The following MAG variants were observed in gnomAD, a reference collection of about 807,000 sequenced individuals.
MAG encodes myelin-associated glycoprotein.
A neutral mutation model predicts 60.7 loss-of-function variants in MAG; 30 were observed. The observed-to-expected ratio is 0.49, with a 90% CI of 0.37 to 0.67. The LOEUF is 0.67. Among genes scored for constraint, MAG ranks in the 30% least tolerant of loss-of-function variants. The pLI is 0.00. For synonymous variants in MAG, 384 were observed against 376.8 expected (o/e 1.02, Z -0.22); for missense variants, 795 against 851.7 (o/e 0.93, Z 0.83).
rs2066431361 is a variant in MAG at position 35,299,656 on chromosome 19, G to A, written c.518G>A (p.Ser173Asn). ...TGCCCAGAGCTGCGCCCTGAGCTGA[G>A]CTGGCTGGGCCACGAGGGGCTGGGG... Reference protein sequence around the residue: ...DNCPELRPELSWLGHEGLGEP... With the variant: ...DNCPELRPELNWLGHEGLGEP... The change falls in exon 5 of 11, where the codon AGC becomes AAC. Residue 173 changes from serine (S) to asparagine (N), a missense_variant. Transcript: ENST00000392213. The A allele has an allele frequency of 1.9e-6, 3 of 1,607,866 alleles. No homozygotes were observed. The highest frequency in any genetic ancestry group is 1.3e-5 in the African/African-American group (1 of 74,548).
At chr19:35,301,938 G>A (rs537424062) in intron 6 of MAG, among the ~76,000 whole-genome samples, 39 of 152,216 alleles carry the variant, frequency 2.6e-4, no homozygotes, top group African/African-American at 6.7e-4. Context: ...TCCTAGGCTC[G>A]CTGAAGCCTT....
Position 35,299,665 on chromosome 19 carries a change from G to A in MAG, c.527G>A (p.Gly176Asp). ...PELRPELSWL[G>D]HEGLGEPAVL... The stretch of plus-strand genomic sequence containing the variant: ...CTGCGCCCTGAGCTGAGCTGGCTGG[G>A]CCACGAGGGGCTGGGGGAGCCCGCT... The change falls in exon 5 of 11, where the codon GGC becomes GAC. Residue 176 changes from glycine to aspartate, a missense_variant. Coordinates refer to ENST00000392213, the MANE Select transcript of MAG (RefSeq NM_002361.4). 1.2e-6 allele frequency: 2 copies of A among 1,604,368 alleles called. No individual in the cohort carries two copies. Among genetic ancestry groups the A allele is most frequent in the South Asian group, 1.1e-5 (1 of 89,316 alleles).
At position 35,309,988 on chromosome 19, in the gene MAG, G is replaced by C. The variant is rs764422265; in HGVS notation, c.1346G>C (p.Arg449Pro). ...EPSVAFELPS[R>P]NVTVNESERE... ...TCCGTGGCCTTTGAGCTGCCATCGCGCAATGTGACCGTGAACGAGAGCGAG... is the reference window on the plus strand; with the variant it reads ...TCCGTGGCCTTTGAGCTGCCATCGCCCAATGTGACCGTGAACGAGAGCGAG... Residue 449 changes from arginine to proline, a missense_variant, in exon 8 of 11, where the codon CGC (arginine) becomes CCC (proline). By Grantham distance (103) the Arg-to-Pro change is moderately radical. Coordinates refer to ENST00000392213, the MANE Select transcript of MAG (RefSeq NM_002361.4). 6.2e-6 allele frequency: 10 copies of C among 1,613,934 alleles called. No individual in the cohort carries two copies. The highest frequency in any genetic ancestry group is 1.3e-5 in the African/African-American group (1 of 74,948).
intron 10 of MAG, chr19:35,312,283 CA>C: frequency 6.2e-7 from 1 of 1,613,614 alleles, no homozygotes. Context: ...TCCAATAGTC[CA>C]AAGAGGTTTC....
intron 4 of MAG, among the ~76,000 whole-genome samples, chr19:35,297,578 CCA>C (rs1339218140): frequency 6.8e-6 from 1 of 147,370 alleles, no homozygotes; most frequent in African/African-American, 2.5e-5. Context: ...TACCCACGTA[CCA>C]CACACACACC....
intron 5 of MAG, 37 bp from the exon 6 acceptor site, chr19:35,300,110 C>A (rs1231338849): frequency 1.6e-5 from 24 of 1,503,462 alleles, no homozygotes; most frequent in Non-Finnish European, 2.0e-5. Context: ...GGTTCCCCAG[C>A]ACCTGCTCAC....
Position 35,310,026 on chromosome 19 carries a change from T to TACTC in MAG, c.1385_1388dup (p.Glu464LeufsTer118). The TACTC allele has an allele frequency of 6.2e-7, 1 of 1,613,932 alleles. No individual in the cohort carries two copies. On this transcript the variant is annotated frameshift_variant, in exon 8 of 11. Transcript: ENST00000392213. LOFTEE classifies it high-confidence loss of function. ...GAACGAGAGCGAGCGGGAGTTCGTGTACTCGGAGCGCAGCGGCCTCGTGCT... is the reference window on the plus strand; with the variant it reads ...GAACGAGAGCGAGCGGGAGTTCGTGTACTCACTCGGAGCGCAGCGGCCTCGTGCT...
chr19:35,306,434 A>G (rs541966585), intron 7 of MAG, among the ~76,000 whole-genome samples: 50 of 151,958 alleles, frequency 3.3e-4, no homozygotes, highest in Middle Eastern at 3.4e-3. Context: ...ACGTATTTTT[A>G]ATTTTAATTT....
In MAG at chr19:35,293,745, CAGG is replaced by C. The variant is rs2066374979; in HGVS notation, c.-79-489_-79-487del. On this transcript the variant is annotated intron_variant, in intron 1 of 10. Transcript: ENST00000392213. This position sits in a 1 kb window ranked among gnomAD's most constrained non-coding sequence, Gnocchi z 4.0. ...CCCCACTTACCCTGAAAGCCCCCCGCAGGCTAAAACACCCTCTCCCCGAGGGAA... is the reference window on the plus strand; with the variant it reads ...CCCCACTTACCCTGAAAGCCCCCCGCCTAAAACACCCTCTCCCCGAGGGAA... Among the ~76,000 whole-genome samples, 2 of 152,090 alleles carry C rather than the reference CAGG, an allele frequency of 1.3e-5. No individual in the cohort carries two copies. Among genetic ancestry groups the C allele is most frequent in the Non-Finnish European group, 2.9e-5 (2 of 67,994 alleles).
rs774452930 is a variant in MAG, at chr19:35,313,341, C to T, written c.1768C>T (p.Pro590Ser). ...ERRLLGLRGE[P>S]PELDLSYSHS... Reference sequence around the variant, plus strand: ...GAGGCTGCTGGGCCTTCGGGGTGAGCCCCCAGAGCTGGACCTGAGCTATTC... The same window carrying T: ...GAGGCTGCTGGGCCTTCGGGGTGAGTCCCCAGAGCTGGACCTGAGCTATTC... The change falls in exon 11 of 11, where the codon CCC becomes TCC. Residue 590 changes from proline to serine, a missense_variant. By Grantham distance (74) the Pro-to-Ser change is moderately conservative (BLOSUM62 -1). Coordinates refer to ENST00000392213, the MANE Select transcript of MAG (RefSeq NM_002361.4). 1.2e-6 allele frequency: 2 copies of T among 1,614,088 alleles called. No homozygotes were observed. Among genetic ancestry groups the T allele is most frequent in the South Asian group, 2.2e-5 (2 of 91,078 alleles).
chr19:35,308,411 GC>G (rs1252321362), intron 7 of MAG, among the ~76,000 whole-genome samples: 3 of 152,220 alleles, frequency 2.0e-5, no homozygotes, highest in East Asian at 3.9e-4. Flanking sequence ...GTCAGGCAGG[GC>G]CTGAGGGGCC....
At position 35,310,543 on chromosome 19, in the gene MAG, T is replaced by G. The variant is rs373591774; in HGVS notation, c.1520-4T>G. The G allele has an allele frequency of 1.2e-6, 2 of 1,614,108 alleles. No homozygotes were observed. The highest frequency in any genetic ancestry group is 1.3e-5 in the African/African-American group (1 of 75,066). On this transcript the variant is annotated splice_region_variant and splice_polypyrimidine_tract_variant and intron_variant, in intron 8 of 10. Coordinates refer to ENST00000392213, the MANE Select transcript of MAG (RefSeq NM_002361.4). ...AAGGGCGCCTGGGTCTTTTCTGTCC[T>G]CAGATCGACTGATGTGGGCCAAGAT...
At chr19:35,303,651 A>C (rs2066464309) in intron 7 of MAG, among the ~76,000 whole-genome samples, 1 of 152,166 alleles carries the variant, frequency 6.6e-6, no homozygotes, top group Non-Finnish European at 1.5e-5. Context: ...GGCTGAGAAG[A>C]CACCACGCTT....
chr19:35,303,755 C>T (rs1329236424), intron 7 of MAG, among the ~76,000 whole-genome samples: 4 of 152,046 alleles, frequency 2.6e-5, no homozygotes, highest in Admixed American at 6.6e-5. Flanking sequence ...CGCTGGCCAG[C>T]GCCTCTCATC....
chr19:35,298,955 A>G (rs2066424490), intron 4 of MAG, among the ~76,000 whole-genome samples: 1 of 149,878 alleles, frequency 6.7e-6, no homozygotes, highest in Non-Finnish European at 1.5e-5. Context: ...ATACACAAAA[A>G]CCACACACTA....
chr19:35,294,166 C>G (rs927557292), intron 1 of MAG, 69 bp from the exon 2 acceptor site: 5 of 373,122 alleles, frequency 1.3e-5, no homozygotes, highest in Admixed American at 1.1e-4. Context: ...GCAGGAGATA[C>G]TGAAGCGGGG....
Position 35,293,185 on chromosome 19 carries a change from C to T in MAG, c.-80+981C>T, listed in dbSNP as rs1010776589. ...AGGGCAGCGTCGGCCAGGTGTCCAT[C>T]GGCGCGTGTCTGAGTGGACGCGTCT... On this transcript the variant is annotated intron_variant, in intron 1 of 10. Coordinates refer to ENST00000392213, the MANE Select transcript of MAG (RefSeq NM_002361.4). The surrounding 1 kb of genome is among the most constrained non-coding windows in gnomAD (Gnocchi z 4.0). 2.1e-4 allele frequency among the ~76,000 whole-genome samples: 32 copies of T among 152,056 alleles called. No homozygotes were observed. The highest frequency in any genetic ancestry group is 3.8e-4 in the Non-Finnish European group (26 of 68,018).
At chr19:35,311,083 G>A (rs773630733) in intron 9 of MAG, among the ~76,000 whole-genome samples, 1 of 152,112 alleles carries the variant, frequency 6.6e-6, no homozygotes, top group South Asian at 2.1e-4. Flanking sequence ...CTGTTATCCC[G>A]CACTTTAGGA....
In MAG at chr19:35,300,395, A is replaced by G. The variant is rs2066440365; in HGVS notation, c.961A>G (p.Ser321Gly). 6.4e-7 allele frequency: 1 copy of G among 1,572,204 alleles called. No individual in the cohort carries two copies. Among genetic ancestry groups the G allele is most frequent in the African/African-American group, 1.3e-5 (1 of 74,516 alleles). Residue 321 changes from serine (S) to glycine (G), a missense_variant, in exon 6 of 11, where the codon AGT (serine) becomes GGT (glycine). Coordinates refer to ENST00000392213, the MANE Select transcript of MAG (RefSeq NM_002361.4). ...CCAGGACAACCGCACCGTGGGGCTC[A>G]GTGTCATGTGTGAGTGGCCCACTCT... is the stretch of plus-strand genomic sequence containing the variant. Reference protein sequence around the residue: ...YGQDNRTVGLSVMYAPWKPTV... With the variant: ...YGQDNRTVGLGVMYAPWKPTV...
Sources: gnomAD v4.1 joint callset for allele counts (sites outside exome capture counted in the v4.1 genomes callset) on GRCh38, gnomAD v4.1.1 for gene constraint, Gnocchi (gnomAD v3.1) non-coding constraint, MANE v1.5 for transcripts, NCBI Gene and HGNC (gene_info 2026-07-23, HGNC 2026-07-21) for gene names.